SNRPA1: variants seen among roughly 807,000 people sequenced by gnomAD.
SNRPA1 encodes the protein small nuclear ribonucleoprotein polypeptide A'.
In SNRPA1, 5 loss-of-function variants were observed where a neutral mutation model predicts 32.3. That is an observed-to-expected ratio of 0.15 (90% CI 0.08 to 0.33). SNRPA1 has a LOEUF of 0.33. Ranked by LOEUF, SNRPA1 falls within the 10% of genes least tolerant of loss-of-function variation. SNRPA1 has a pLI of 1.00. For synonymous variants in SNRPA1, 111 were observed against 120.1 expected, an observed-to-expected ratio of 0.92 and a Z score of 0.50; for missense variants, 198 against 311.1, an observed-to-expected ratio of 0.64 and a Z score of 2.74.
Position 101,281,653 on chromosome 15 carries a change from G to A in SNRPA1, c.*71C>T. 3 of 1,091,834 alleles carry A rather than the reference G, an allele frequency of 2.7e-6. No individual in the cohort carries two copies. The highest frequency in any genetic ancestry group is 4.2e-6 in the Non-Finnish European group (3 of 707,124). 67.6% of individuals were successfully genotyped at this position (1,091,834 alleles called of 1,614,324 possible). A position where few individuals can be genotyped will look rare whatever the true frequency, so the allele number is the denominator to read the frequency against. On this transcript the variant is annotated 3_prime_UTR_variant, in exon 9 of 9. Coordinates refer to ENST00000254193, the MANE Select transcript of SNRPA1 (RefSeq NM_003090.4). ...GATTCCACTTTGCTAACACAAACAAGGCTATTATACCATGTTCGAAAAGCA... is the reference window on the plus strand; with the variant it reads ...GATTCCACTTTGCTAACACAAACAAAGCTATTATACCATGTTCGAAAAGCA...
chr15:101,284,800 C>T (rs1330724229), intron 8 of SNRPA1, 167 bp downstream of exon 8: 7 of 570,344 alleles, frequency 1.2e-5, no homozygotes, highest in Admixed American at 1.2e-4. Flanking sequence ...CTGCACCCAA[C>T]CCATCAAATA....
chr15:101,281,898 A>T, intron 8 of SNRPA1, 116 bp from the exon 9 acceptor site: 1 of 967,222 alleles, frequency 1.0e-6, no homozygotes, highest in East Asian at 2.5e-5. Flanking sequence ...GTACAAAAAG[A>T]TCAAAAGCAG....
rs2039529752 is a variant in SNRPA1, at chr15:101,291,836, T to C, written c.309+126A>G. 4.9e-6 allele frequency: 3 copies of C among 613,152 alleles called. No individual in the cohort carries two copies. In the South Asian group the frequency reaches 7.2e-5, roughly 15 times the overall value. 38.0% of individuals were successfully genotyped at this position (613,152 alleles called of 1,614,324 possible). On this transcript the variant is annotated intron_variant, in intron 3 of 8. Transcript: ENST00000254193. The stretch of plus-strand genomic sequence containing the variant: ...TGCAGAACCCAAAAGGCCCAGATCC[T>C]GAATTAAGAAAAAGACAAGAAAGAG...
intron 7 of SNRPA1, 95 bp from the exon 8 acceptor site, chr15:101,285,155 G>T: frequency 1.3e-6 from 1 of 799,556 alleles, no homozygotes; most frequent in South Asian, 1.4e-5. Flanking sequence ...GAAATTCACA[G>T]CAACTTCTCC....
intron 1 of SNRPA1, 21 bp from the exon 2 acceptor site, chr15:101,293,193 A>G: frequency 6.4e-7 from 1 of 1,565,386 alleles, no homozygotes; most frequent in Non-Finnish European, 8.7e-7. Context: ...GAGGAAAAAA[A>G]CACAAGAGGT....
At chr15:101,287,062 A>T in intron 4 of SNRPA1, 52 bp from the exon 5 acceptor site, 3 of 935,314 alleles carry the variant, frequency 3.2e-6, no homozygotes, top group Non-Finnish European at 5.2e-6. Context: ...CACAGCACTC[A>T]AGAGGTCTGT....
chr15:101,284,326 T>C (rs2039430340), intron 8 of SNRPA1, among the ~76,000 whole-genome samples: 6 of 152,210 alleles, frequency 3.9e-5, no homozygotes, highest in Admixed American at 3.3e-4. Flanking sequence ...CTCGGACTGC[T>C]TGGCTCTAGA....
chr15:101,284,768 C>G (rs2039436322), intron 8 of SNRPA1, 199 bp downstream of exon 8: 1 of 441,094 alleles, frequency 2.3e-6, no homozygotes, highest in African/African-American at 2.0e-5. Context: ...TCCCAAAGTG[C>G]TGGGATTACA....
chr15:101,293,023 A>T lies in SNRPA1; in HGVS notation c.230+2T>A. Reference sequence around the variant, plus strand: ...AAATTACTTTCCCCTACAGACACGTACCATATTCTGTTGTTGTTCACTAAC... The same window carrying T: ...AAATTACTTTCCCCTACAGACACGTTCCATATTCTGTTGTTGTTCACTAAC... On this transcript the variant is annotated splice_donor_variant, in intron 2 of 8. Transcript: ENST00000254193. LOFTEE classifies it high-confidence loss of function. 6.2e-7 allele frequency: 1 copy of T among 1,604,182 alleles called. No homozygotes were observed. The highest frequency in any genetic ancestry group is 8.5e-7 in the Non-Finnish European group (1 of 1,175,672).
chr15:101,286,570 A>G (rs943466292), intron 5 of SNRPA1: 12 of 483,468 alleles, frequency 2.5e-5, no homozygotes, highest in Non-Finnish European at 4.0e-5. Flanking sequence ...TAAAGGGAAA[A>G]ATCATCCTAA....
chr15:101,291,651 G>A (rs968108878), intron 3 of SNRPA1, among the ~76,000 whole-genome samples: 1 of 151,712 alleles, frequency 6.6e-6, no homozygotes, highest in African/African-American at 2.4e-5. Flanking sequence ...AAACAACATA[G>A]GAGTTTATAA....
At chr15:101,290,395 T>G (rs1033599899) in intron 3 of SNRPA1, among the ~76,000 whole-genome samples, 5 of 152,220 alleles carry the variant, frequency 3.3e-5, no homozygotes, top group Non-Finnish European at 5.9e-5. Flanking sequence ...GGTTGAATAC[T>G]TCACACACTT....
intron 7 of SNRPA1, among the ~76,000 whole-genome samples, chr15:101,285,285 T>C (rs1054722947): frequency 6.6e-5 from 10 of 152,214 alleles, no homozygotes; most frequent in African/African-American, 2.4e-4. Flanking sequence ...TTCTTATAAA[T>C]AATCACTCCA....
chr15:101,295,169 G>T lies in SNRPA1; in HGVS notation c.10C>A (p.Leu4Met), dbSNP rs777988186. The change falls in exon 1 of 9, where the codon CTG (leucine) becomes ATG (methionine). Residue 4 changes from leucine to methionine, a missense_variant. Leu to Met is a conservative substitution (Grantham distance 15, BLOSUM62 2). This residue lies in a region of SNRPA1 where 119 missense variants were observed against 171.6 expected (regional missense o/e 0.69). Coordinates refer to ENST00000254193, the MANE Select transcript of SNRPA1 (RefSeq NM_003090.4). ...GCCTGCTCGATCAGCTCCGCCGTCAGCTTGACCATCCTGCAGCCTCCCGTT... is the reference window on the plus strand; with the variant it reads ...GCCTGCTCGATCAGCTCCGCCGTCATCTTGACCATCCTGCAGCCTCCCGTT... MVK[L>M]TAELIEQAAQ... The T allele has an allele frequency of 2.4e-5, 37 of 1,553,972 alleles. No homozygotes were observed. Among genetic ancestry groups the T allele is most frequent in the African/African-American group, 1.3e-4 (9 of 70,380 alleles).
chr15:101,292,129 C>G, intron 2 of SNRPA1, 89 bp from the exon 3 acceptor site: 2 of 887,068 alleles, frequency 2.3e-6, no homozygotes, highest in Admixed American at 3.8e-5. Context: ...CACAGAGAGA[C>G]ACTTAGAGAT....
chr15:101,287,721 A>G lies in SNRPA1; in HGVS notation c.310-19T>C, dbSNP rs754043298. On this transcript the variant is annotated intron_variant, in intron 3 of 8. Transcript: ENST00000254193. ...GATCACCCTGTCAAGCAATAGCCAC[A>G]GGTAAGAACGCGAATACCACACGCT... The G allele has an allele frequency of 6.2e-7, 1 of 1,612,432 alleles. No homozygotes were observed. Among genetic ancestry groups the G allele is most frequent in the Non-Finnish European group, 8.5e-7 (1 of 1,178,488 alleles).
intron 8 of SNRPA1, among the ~76,000 whole-genome samples, chr15:101,282,040 A>G (rs1369438603): frequency 6.6e-6 from 1 of 152,250 alleles, no homozygotes; most frequent in East Asian, 1.9e-4. Flanking sequence ...TGTAGTTGAT[A>G]ATAATTCATT....
At chr15:101,289,177 T>C (rs2039492221) in intron 3 of SNRPA1, among the ~76,000 whole-genome samples, 1 of 152,178 alleles carries the variant, frequency 6.6e-6, no homozygotes, top group South Asian at 2.1e-4. Context: ...AGTGGTAACA[T>C]TTGTTACATA....
At chr15:101,284,580 A>G (rs936397259) in intron 8 of SNRPA1, among the ~76,000 whole-genome samples, 1 of 147,812 alleles carries the variant, frequency 6.8e-6, no homozygotes, top group Non-Finnish European at 1.5e-5. Context: ...TCGGCTCACC[A>G]CAACCTCCAC....
Sources: gnomAD v4.1 joint callset for allele counts (sites outside exome capture counted in the v4.1 genomes callset) on GRCh38, gnomAD v4.1.1 for gene constraint, gnomAD v4.1.1 regional missense constraint, MANE v1.5 for transcripts, NCBI Gene and HGNC (gene_info 2026-07-23, HGNC 2026-07-21) for gene names.